Variants in HAUS8 observed in about 807,000 individuals in gnomAD.
HAUS8 encodes the protein HAUS augmin like complex subunit 8, also known as HAUS augmin-like complex subunit 8.
Under a neutral mutation model 42.9 loss-of-function variants are expected in HAUS8, and 38 were observed. That is an observed-to-expected ratio of 0.89 (90% confidence interval 0.68 to 1.16). The LOEUF (loss-of-function observed/expected upper bound fraction) is 1.16, where lower values mean the gene tolerates loss of function less well. Ranked by LOEUF, HAUS8 falls within the 50% of genes most tolerant of loss-of-function variation. HAUS8 has a pLI of 0.00. For missense variants in HAUS8, 494 were observed against 511.6 expected, an observed-to-expected ratio of 0.97 and a Z score of 0.33; for synonymous variants, 199 against 205.8, an observed-to-expected ratio of 0.97 and a Z score of 0.28.
chr19:17,059,022 C>T, intron 6 of HAUS8, 146 bp from the exon 7 acceptor site: 1 of 639,514 alleles, frequency 1.6e-6, no homozygotes, highest in Non-Finnish European at 2.6e-6. Flanking sequence ...GGGTCTATTG[C>T]TTCTATTTTC....
At chr19:17,063,539 A>G (rs536560096) in intron 3 of HAUS8, among the ~76,000 whole-genome samples, 6 of 152,242 alleles carry the variant, frequency 3.9e-5, no homozygotes, top group African/African-American at 1.4e-4. Context: ...AAGTTTAACA[A>G]GAGTTTTCTT....
chr19:17,064,422 G>C, intron 3 of HAUS8, among the ~76,000 whole-genome samples: 1 of 152,220 alleles, frequency 6.6e-6, no homozygotes, highest in East Asian at 1.9e-4. Flanking sequence ...AGACTAAACA[G>C]TCTCGGAAAA....
chr19:17,070,761 C>A (rs1281337388), intron 2 of HAUS8, among the ~76,000 whole-genome samples: 1 of 152,162 alleles, frequency 6.6e-6, no homozygotes, highest in Non-Finnish European at 1.5e-5. Flanking sequence ...GGTAGGCACT[C>A]GATAATATGT....
intron 2 of HAUS8, 70 bp from the exon 3 acceptor site, chr19:17,069,156 C>T (rs966861096): frequency 8.9e-5 from 125 of 1,401,878 alleles, no homozygotes; most frequent in Non-Finnish European, 1.1e-4. Context: ...CCAGACCCCA[C>T]GCCCCGGAGA....
chr19:17,057,347 T>C (rs1175858629), intron 8 of HAUS8, among the ~76,000 whole-genome samples: 2 of 124,158 alleles, frequency 1.6e-5, no homozygotes, highest in Non-Finnish European at 3.4e-5. Context: ...AAGACGCCCA[T>C]CTCAAAAAAA....
At chr19:17,056,209 G>A (rs2057325617) in intron 8 of HAUS8, among the ~76,000 whole-genome samples, 1 of 152,198 alleles carries the variant, frequency 6.6e-6, no homozygotes, top group South Asian at 2.1e-4. Context: ...CCCTTACTGA[G>A]AACATGTGTC....
At chr19:17,053,193 C>T in intron 9 of HAUS8, 2 of 575,320 alleles carry the variant, frequency 3.5e-6, no homozygotes, top group Non-Finnish European at 6.2e-6. Flanking sequence ...GGGCATTGGA[C>T]CAGAACTGAA....
chr19:17,058,940 A>C (rs2057343088), intron 6 of HAUS8, 64 bp from the exon 7 acceptor site: 1 of 1,374,830 alleles, frequency 7.3e-7, no homozygotes, highest in Non-Finnish European at 1.0e-6. Flanking sequence ...CTCTTTTCCC[A>C]GCAGGGGGAG....
intron 10 of HAUS8, among the ~76,000 whole-genome samples, chr19:17,051,266 A>C (rs1242907515): frequency 6.6e-6 from 1 of 152,142 alleles, no homozygotes; most frequent in Non-Finnish European, 1.5e-5. Flanking sequence ...GCTGTTTTGC[A>C]TAAGTCCTTT....
chr19:17,072,524 G>T (rs2057433489), intron 2 of HAUS8, among the ~76,000 whole-genome samples: 1 of 151,850 alleles, frequency 6.6e-6, no homozygotes. Flanking sequence ...TGTATTTTTA[G>T]TAGAACGAGG....
At chr19:17,075,100 T>G (rs2057460279) in intron 1 of HAUS8, 1 of 504,828 alleles carries the variant, frequency 2.0e-6, no homozygotes, top group Non-Finnish European at 3.6e-6. Flanking sequence ...GAGGTTGAGC[T>G]GCGTCATCGG....
chr19:17,066,776 C>A (rs956129608), intron 3 of HAUS8, among the ~76,000 whole-genome samples: 3 of 152,178 alleles, frequency 2.0e-5, no homozygotes, highest in Admixed American at 6.5e-5. Flanking sequence ...CACGTCTACA[C>A]AGAAAAATAC....
chr19:17,055,856 C>G lies in HAUS8; in HGVS notation c.787+5G>C. On this transcript the variant is annotated splice_donor_5th_base_variant and intron_variant, in intron 9 of 10. Coordinates refer to ENST00000253669, the MANE Select transcript of HAUS8 (RefSeq NM_033417.2). The stretch of plus-strand genomic sequence containing the variant: ...GCACACGCACTGGGACGCCCCGTTT[C>G]CTACCTAAGAGCTGCTGCCCATCTC... 1 of 1,612,914 alleles carries G rather than the reference C, an allele frequency of 6.2e-7. No homozygotes were observed. Among genetic ancestry groups the G allele is most frequent in the Non-Finnish European group, 8.5e-7 (1 of 1,179,588 alleles).
intron 9 of HAUS8, among the ~76,000 whole-genome samples, chr19:17,055,578 T>C (rs544874736): frequency 6.6e-6 from 1 of 152,168 alleles, no homozygotes; most frequent in African/African-American, 2.4e-5. Context: ...CACTACGGCA[T>C]ATTTGTTGGG....
intron 1 of HAUS8, chr19:17,074,557 C>G (rs559695143): frequency 6.6e-6 from 1 of 152,406 alleles, no homozygotes; most frequent in South Asian, 2.1e-4. Context: ...CAGAAAGAGA[C>G]AAGAGCACAG....
chr19:17,071,990 A>C (rs1248481373), intron 2 of HAUS8, among the ~76,000 whole-genome samples: 1 of 152,188 alleles, frequency 6.6e-6, no homozygotes, highest in Non-Finnish European at 1.5e-5. Flanking sequence ...CATCTCAAAA[A>C]AATAAATACA....
chr19:17,072,387 G>A (rs1026770539), intron 2 of HAUS8, among the ~76,000 whole-genome samples: 1 of 129,950 alleles, frequency 7.7e-6, no homozygotes, highest in Non-Finnish European at 1.6e-5. Context: ...TCGCCACCCA[G>A]GTTGGAGTAC....
At chr19:17,050,267 G>A (rs1404654656) in intron 10 of HAUS8, 91 bp from the exon 11 acceptor site, 6 of 997,604 alleles carry the variant, frequency 6.0e-6, no homozygotes, top group East Asian at 5.9e-5. Flanking sequence ...ACGGGGAGGC[G>A]GATTTTCACA....
intron 2 of HAUS8, among the ~76,000 whole-genome samples, chr19:17,071,131 T>C (rs555993459): frequency 2.0e-5 from 3 of 152,118 alleles, no homozygotes; most frequent in Admixed American, 1.3e-4. Context: ...TTTGCCTTTG[T>C]ACTGAAGAGG....
Sources: gnomAD v4.1 joint callset for allele counts (sites outside exome capture counted in the v4.1 genomes callset) on GRCh38, gnomAD v4.1.1 for gene constraint, MANE v1.5 for transcripts, NCBI Gene and HGNC (gene_info 2026-07-23, HGNC 2026-07-21) for gene names.